The following DRC8 variants were observed in gnomAD, a reference collection of about 807,000 sequenced individuals.
DRC8 encodes dynein regulatory complex protein 8.
the DRC8 span, among the ~76,000 whole-genome samples, chr1:244,978,058 A>G: frequency 6.6e-6 from 1 of 152,236 alleles, no homozygotes; most frequent in African/African-American, 2.4e-5. Context: ...TAAATATGCT[A>G]ATTAAAAATT....
chr1:245,038,063 T>C, the DRC8 span, among the ~76,000 whole-genome samples: 1 of 152,190 alleles, frequency 6.6e-6, no homozygotes, highest in Admixed American at 6.5e-5. Context: ...ATTAACTTAT[T>C]AAGTTAACAC....
chr1:245,111,490 C>T, the DRC8 span, among the ~76,000 whole-genome samples: 1 of 152,358 alleles, frequency 6.6e-6, no homozygotes, highest in Non-Finnish European at 1.5e-5. Context: ...AATGAATAGA[C>T]TAATGAAGGT....
chr1:245,090,463 C>T, the DRC8 span, among the ~76,000 whole-genome samples: 70,468 of 151,756 alleles, frequency 0.46, 16,804 homozygotes, highest in African/African-American at 0.52. Flanking sequence ...CTGTTCCCTG[C>T]GTTGCAGGCA....
the DRC8 span, among the ~76,000 whole-genome samples, chr1:245,062,180 T>C: frequency 6.6e-6 from 1 of 152,222 alleles, no homozygotes; most frequent in Non-Finnish European, 1.5e-5. Flanking sequence ...GTCATGTACT[T>C]GAACTTTAGT....
chr1:244,998,133 C>T, the DRC8 span, among the ~76,000 whole-genome samples: 1 of 152,148 alleles, frequency 6.6e-6, no homozygotes, highest in Non-Finnish European at 1.5e-5. Context: ...GAAATCTTGA[C>T]TCCTTCATTC....
chr1:245,082,508 A>G, the DRC8 span, among the ~76,000 whole-genome samples: 1 of 152,210 alleles, frequency 6.6e-6, no homozygotes, highest in Non-Finnish European at 1.5e-5. Flanking sequence ...TAGTTGGTTC[A>G]TCATAGAAGT....
At chr1:245,000,114 C>A in the DRC8 span, among the ~76,000 whole-genome samples, 95,452 of 152,188 alleles carry the variant, frequency 0.63, 30,036 homozygotes, top group East Asian at 0.75. Context: ...CCACCACACC[C>A]GGCCAATAAA....
chr1:245,114,787 G>A, the DRC8 span, among the ~76,000 whole-genome samples: 1 of 152,340 alleles, frequency 6.6e-6, no homozygotes, highest in South Asian at 2.1e-4. Context: ...GGAGGGCACA[G>A]TGATCTTGGC....
chr1:244,996,813 A>G, the DRC8 span, among the ~76,000 whole-genome samples: 1 of 152,108 alleles, frequency 6.6e-6, no homozygotes, highest in African/African-American at 2.4e-5. Flanking sequence ...TTATATGTGG[A>G]CACCTCTGCT....
At chr1:245,038,247 G>C in the DRC8 span, among the ~76,000 whole-genome samples, 1 of 152,198 alleles carries the variant, frequency 6.6e-6, no homozygotes, top group Non-Finnish European at 1.5e-5. Context: ...GAGGCAAGCA[G>C]ATCACGAGGT....
At chr1:245,123,164 A>G in the DRC8 span, 3 of 152,198 alleles carry the variant, frequency 2.0e-5, no homozygotes, top group African/African-American at 7.2e-5. The surrounding 1 kb of genome is among the most constrained non-coding windows in gnomAD (Gnocchi z 5.0). Flanking sequence ...CAGCAGTCAA[A>G]ACGCAACTCC....
At chr1:245,021,343 C>G in the DRC8 span, among the ~76,000 whole-genome samples, 1 of 152,014 alleles carries the variant, frequency 6.6e-6, no homozygotes, top group Non-Finnish European at 1.5e-5. Flanking sequence ...TGTGAGTGGA[C>G]ATTTTTAAAG....
the DRC8 span, among the ~76,000 whole-genome samples, chr1:245,004,396 A>G: frequency 8.7e-5 from 13 of 149,546 alleles, no homozygotes; most frequent in African/African-American, 2.0e-4. Context: ...CTCTCAAAGT[A>G]CTCTCATTAC....
chr1:244,986,040 C>T, the DRC8 span, among the ~76,000 whole-genome samples: 289 of 151,844 alleles, frequency 1.9e-3, no homozygotes, highest in Non-Finnish European at 3.1e-3. Flanking sequence ...ACCACAACCT[C>T]CACCTCCCAG....
chr1:244,990,243 A>G, the DRC8 span, among the ~76,000 whole-genome samples: 2 of 152,254 alleles, frequency 1.3e-5, no homozygotes, highest in African/African-American at 4.8e-5. Flanking sequence ...GTACAGTACA[A>G]TAAGATATTT....
the DRC8 span, among the ~76,000 whole-genome samples, chr1:244,981,016 C>G: frequency 2.6e-5 from 4 of 152,178 alleles, no homozygotes; most frequent in Admixed American, 1.3e-4. Flanking sequence ...AACCCCCTCT[C>G]TACCCAAAAC....
chr1:245,016,647 A>G, the DRC8 span, among the ~76,000 whole-genome samples: 1 of 152,318 alleles, frequency 6.6e-6, no homozygotes. Context: ...GTTCCTTGCC[A>G]TAACCTTAGC....
At chr1:244,993,734 A>G in the DRC8 span, among the ~76,000 whole-genome samples, 1 of 152,266 alleles carries the variant, frequency 6.6e-6, no homozygotes, top group South Asian at 2.1e-4. Flanking sequence ...GCATCATAAC[A>G]TGGTAGAAGG....
the DRC8 span, among the ~76,000 whole-genome samples, chr1:245,055,942 G>A: frequency 6.6e-6 from 1 of 152,156 alleles, no homozygotes; most frequent in Non-Finnish European, 1.5e-5. Context: ...CTGCCCAGGT[G>A]GAGTGCAGTG....
Sources: allele counts gnomAD v4.1 joint callset (sites outside exome capture counted in the v4.1 genomes callset), GRCh38; gene constraint gnomAD v4.1.1; non-coding constraint Gnocchi (gnomAD v3.1); transcripts MANE v1.5; gene names NCBI Gene and HGNC (gene_info 2026-07-23, HGNC 2026-07-21).